Variants in CHD7 observed in about 807,000 individuals in gnomAD.
CHD7 encodes ATP-dependent chromatin remodeler CHD7.
Under a neutral mutation model 307.3 loss-of-function variants are expected in CHD7, and 24 were observed. The observed-to-expected ratio is 0.08, with a 90% confidence interval of 0.06 to 0.11. The LOEUF (loss-of-function observed/expected upper bound fraction) is 0.11, where lower values mean the gene tolerates loss of function less well. Ranked by LOEUF, CHD7 falls within the 10% of genes least tolerant of loss-of-function variation. CHD7 has a pLI of 1.00. For synonymous variants in CHD7, 1,363 were observed against 1,349.9 expected (o/e 1.01, Z -0.21); for missense variants, 3,106 against 3,727.1 (o/e 0.83, Z 4.34).
intron 4 of CHD7, among the ~76,000 whole-genome samples, chr8:60,796,176 A>G (rs1270903827): frequency 1.3e-5 from 2 of 152,206 alleles, no homozygotes; most frequent in African/African-American, 4.8e-5. Flanking sequence ...AAGTGAATGA[A>G]TATGTTTTGG....
intron 13 of CHD7, 34 bp from the exon 14 acceptor site, chr8:60,828,629 A>G (rs757377628): frequency 1.3e-6 from 2 of 1,574,548 alleles, no homozygotes; most frequent in South Asian, 1.2e-5. Context: ...TTTTTGTTAC[A>G]ATTTGGTTAG....
At chr8:60,691,121 T>C (rs1474947527) in intron 1 of CHD7, among the ~76,000 whole-genome samples, 1 of 152,190 alleles carries the variant, frequency 6.6e-6, no homozygotes, top group African/African-American at 2.4e-5. Flanking sequence ...AGATGGGGTT[T>C]CGCCATGTTG....
At chr8:60,719,435 G>T (rs1171859064) in intron 1 of CHD7, among the ~76,000 whole-genome samples, 1 of 152,030 alleles carries the variant, frequency 6.6e-6, no homozygotes, top group Non-Finnish European at 1.5e-5. Context: ...GGGCTCAAAG[G>T]TTTATAAACT....
At chr8:60,817,624 C>T (rs994521289) in intron 8 of CHD7, among the ~76,000 whole-genome samples, 9 of 152,124 alleles carry the variant, frequency 5.9e-5, no homozygotes, top group Non-Finnish European at 1.0e-4. Context: ...TGGAGTTACT[C>T]GAATGTGACT....
At chr8:60,847,459 G>A (rs145446746) in intron 23 of CHD7, among the ~76,000 whole-genome samples, 1 of 152,298 alleles carries the variant, frequency 6.6e-6, no homozygotes, top group Non-Finnish European at 1.5e-5. Context: ...CTTCATCATA[G>A]GGTTATCGTG....
chr8:60,692,604 A>T (rs2150491237), intron 1 of CHD7, among the ~76,000 whole-genome samples: 1 of 152,308 alleles, frequency 6.6e-6, no homozygotes, highest in East Asian at 1.9e-4. Flanking sequence ...GTAAGACAGG[A>T]TGCTTATATG....
At chr8:60,824,080 G>T (rs766185223) in intron 13 of CHD7, 64 bp downstream of exon 13, 6 of 1,424,462 alleles carry the variant, frequency 4.2e-6, no homozygotes. Flanking sequence ...TGATAGTCCC[G>T]TTGCTCAGAA....
In CHD7 at chr8:60,702,956, A is replaced by G. The variant is rs532056638; in HGVS notation, c.-175+23874A>G. On this transcript the variant is annotated intron_variant, in intron 1 of 37. Transcript: ENST00000423902. Reference sequence around the variant, plus strand: ...GGCCCAGGCTTGTTGACATGGTGGCAGAAAAGAAGGCCGCTCTGGTGCTCA... The same window carrying G: ...GGCCCAGGCTTGTTGACATGGTGGCGGAAAAGAAGGCCGCTCTGGTGCTCA... Among the ~76,000 whole-genome samples, 5 of 152,214 alleles carry G rather than the reference A, an allele frequency of 3.3e-5. No individual in the cohort carries two copies. In the South Asian group the frequency reaches 1.0e-3, roughly 32 times the overall value.
chr8:60,837,314 C>T (rs2150778036), intron 17 of CHD7, among the ~76,000 whole-genome samples: 1 of 152,206 alleles, frequency 6.6e-6, no homozygotes, highest in East Asian at 1.9e-4. Flanking sequence ...AACAAAATAC[C>T]ATAAATTGGG....
intron 7 of CHD7, among the ~76,000 whole-genome samples, chr8:60,813,955 A>G (rs568432814): frequency 3.9e-5 from 6 of 152,128 alleles, no homozygotes; most frequent in Non-Finnish European, 8.8e-5. Context: ...GAGTAGTTAC[A>G]TTTTTAAATG....
chr8:60,728,807 TAAC>T (rs1290828788), intron 1 of CHD7, among the ~76,000 whole-genome samples: 1 of 152,230 alleles, frequency 6.6e-6, no homozygotes, highest in Non-Finnish European at 1.5e-5. Flanking sequence ...AAAATTAAGA[TAAC>T]AAAGTTTATT....
At chr8:60,823,391 A>G (rs1028765488) in intron 12 of CHD7, among the ~76,000 whole-genome samples, 12 of 104,900 alleles carry the variant, frequency 1.1e-4, no homozygotes, top group African/African-American at 6.0e-4. Flanking sequence ...TGTTTTTGCT[A>G]TATATAGATA....
At position 60,856,266 on chromosome 8, in the gene CHD7, C is replaced by T. The variant is rs150880368; in HGVS notation, c.7164+64C>T. ...GCTCTCTAAGCCTTAACTGAGTTTG[C>T]GAGCTTATATTTCACTGGCCTTGCT... On this transcript the variant is annotated intron_variant, in intron 33 of 37. Transcript: ENST00000423902. The T allele has an allele frequency of 1.1e-4, 147 of 1,358,004 alleles. No individual in the cohort carries two copies. In the Middle Eastern group the frequency reaches 1.1e-3, roughly 10 times the overall value. The allele number at this position is 1,358,004 out of a possible 1,614,324, so 84.1% of individuals were successfully genotyped here.
chr8:60,850,688 G>T (rs1805413750), intron 26 of CHD7, 66 bp downstream of exon 26: 3 of 1,487,736 alleles, frequency 2.0e-6, no homozygotes, highest in African/African-American at 1.4e-5. Flanking sequence ...GCAGGGTTCA[G>T]TTCTTACCCT....
intron 2 of CHD7, among the ~76,000 whole-genome samples, chr8:60,751,863 C>T (rs546207247): frequency 2.1e-4 from 32 of 152,284 alleles, no homozygotes; most frequent in East Asian, 1.9e-3. Context: ...AAAAAGTCAA[C>T]GTAGATACAG....
chr8:60,688,561 A>T (rs968339696), intron 1 of CHD7, among the ~76,000 whole-genome samples: 14 of 152,160 alleles, frequency 9.2e-5, no homozygotes. Flanking sequence ...CATCAGTGCA[A>T]CCAGATGTTA....
At chr8:60,845,494 A>G in intron 23 of CHD7, 85 bp downstream of exon 23, 1 of 1,443,322 alleles carries the variant, frequency 6.9e-7, no homozygotes, top group Non-Finnish European at 9.4e-7. Flanking sequence ...TCACGTCTGC[A>G]GATGCAGAAC....
intron 2 of CHD7, among the ~76,000 whole-genome samples, chr8:60,778,273 A>G (rs975363815): frequency 6.6e-6 from 1 of 152,158 alleles, no homozygotes; most frequent in Non-Finnish European, 1.5e-5. Context: ...ACACTGTAAT[A>G]TTTCTGAGCA....
rs748779011 is a variant in CHD7 at position 60,841,900 on chromosome 8, T to G, written c.4698T>G (p.Ser1566Arg). 2.1e-5 allele frequency: 34 copies of G among 1,610,812 alleles called. No individual in the cohort carries two copies. Among genetic ancestry groups the G allele is most frequent in the Non-Finnish European group, 2.9e-5 (34 of 1,178,270 alleles). The change falls in exon 21 of 38, where the codon AGT (serine) becomes AGG (arginine). Residue 1566 changes from serine to arginine, a missense_variant. Physicochemically the swap from Ser to Arg is moderately radical, Grantham distance 110. Transcript: ENST00000423902. ...TGAGAAAGCAGACCAGGCTCTACAG[T>G]GCAGTGAAGGAAGATGAGCTGATGG... ...PRVRKQTRLY[S>R]AVKEDELMEF...
Sources: gnomAD v4.1 joint callset for allele counts (sites outside exome capture counted in the v4.1 genomes callset) on GRCh38, gnomAD v4.1.1 for gene constraint, MANE v1.5 for transcripts, NCBI Gene and HGNC (gene_info 2026-07-23, HGNC 2026-07-21) for gene names.